Variants in NBAS observed in about 807,000 individuals in gnomAD.
The protein encoded by NBAS is NBAS subunit of NRZ tethering complex.
In NBAS, 219 loss-of-function variants were observed where a neutral mutation model predicts 302.5. That is an observed-to-expected ratio of 0.72 (90% CI 0.65 to 0.81). The LOEUF (loss-of-function observed/expected upper bound fraction) is 0.81. Among genes scored for constraint, NBAS ranks in the 30% least tolerant of loss-of-function variants. NBAS has a pLI of 0.00. For synonymous variants in NBAS, 1,118 were observed against 1,021.6 expected, an observed-to-expected ratio of 1.09 and a Z score of -1.80; for missense variants, 2,932 against 2,841.6, an observed-to-expected ratio of 1.03 and a Z score of -0.72.
intron 19 of NBAS, among the ~76,000 whole-genome samples, chr2:15,465,143 G>A (rs959296054): frequency 2.6e-5 from 4 of 152,190 alleles, no homozygotes; most frequent in Non-Finnish European, 5.9e-5. Flanking sequence ...CCTACCTACT[G>A]GTTCTTGCAA....
At chr2:14,851,103 G>A in the NBAS span, among the ~76,000 whole-genome samples, 1 of 129,012 alleles carries the variant, frequency 7.8e-6, no homozygotes, top group Non-Finnish European at 1.5e-5. Flanking sequence ...AGGAAATAGA[G>A]ACACAAAAAA....
At chr2:14,806,085 TG>T in the NBAS span, among the ~76,000 whole-genome samples, 2 of 152,184 alleles carry the variant, frequency 1.3e-5, no homozygotes, top group African/African-American at 4.8e-5. Context: ...CAGAATCTCC[TG>T]GGGAGCTTGT....
chr2:14,880,583 C>T, the NBAS span, among the ~76,000 whole-genome samples: 1 of 151,536 alleles, frequency 6.6e-6, no homozygotes, highest in South Asian at 2.1e-4. Flanking sequence ...AAAAGGAGGA[C>T]AGATTGTGCT....
chr2:15,120,586 T>C, the NBAS span, among the ~76,000 whole-genome samples: 1 of 152,044 alleles, frequency 6.6e-6, no homozygotes, highest in Non-Finnish European at 1.5e-5. Flanking sequence ...AAGTGAAGGA[T>C]TTAGGATTTG....
intron 32 of NBAS, among the ~76,000 whole-genome samples, chr2:15,361,342 A>G (rs943191469): frequency 6.6e-6 from 1 of 152,028 alleles, no homozygotes; most frequent in Non-Finnish European, 1.5e-5. Flanking sequence ...GTGAAATCCC[A>G]TCTCTACTAA....
At chr2:15,461,429 T>C in intron 20 of NBAS, 92 bp from the exon 21 acceptor site, 3 of 1,351,570 alleles carry the variant, frequency 2.2e-6, no homozygotes, top group South Asian at 1.2e-5. Flanking sequence ...AACTTTTTTA[T>C]GCAGCTCTGA....
At chr2:15,399,113 A>C (rs1399394447) in intron 26 of NBAS, among the ~76,000 whole-genome samples, 1 of 152,246 alleles carries the variant, frequency 6.6e-6, no homozygotes, top group East Asian at 1.9e-4. Flanking sequence ...AATAATTAAT[A>C]GATAAGCTCT....
the NBAS span, among the ~76,000 whole-genome samples, chr2:14,893,698 C>T: frequency 2.0e-5 from 3 of 152,152 alleles, no homozygotes; most frequent in South Asian, 2.1e-4. Context: ...CGTGGGAAAT[C>T]AGAGAACAGG....
chr2:15,555,490 C>G (rs1451202011), intron 3 of NBAS, among the ~76,000 whole-genome samples: 5 of 151,950 alleles, frequency 3.3e-5, no homozygotes, highest in Non-Finnish European at 7.4e-5. Flanking sequence ...CTAGCTGATA[C>G]AGGTTTATTA....
At chr2:15,153,965 G>C in the NBAS span, among the ~76,000 whole-genome samples, 1 of 152,214 alleles carries the variant, frequency 6.6e-6, no homozygotes, top group Admixed American at 6.5e-5. Flanking sequence ...CTTGAGGCTA[G>C]TAGCATTTTG....
chr2:14,903,359 A>C, the NBAS span, among the ~76,000 whole-genome samples: 1 of 151,098 alleles, frequency 6.6e-6, no homozygotes, highest in African/African-American at 2.4e-5. Flanking sequence ...ACATGTTGAA[A>C]ATAAAAACCA....
intron 51 of NBAS, among the ~76,000 whole-genome samples, chr2:15,176,737 A>G (rs1287230942): frequency 6.6e-6 from 1 of 152,194 alleles, no homozygotes; most frequent in Non-Finnish European, 1.5e-5. Context: ...GTTGGTGTTC[A>G]AAAGTGTTGA....
chr2:14,967,623 G>C, the NBAS span, among the ~76,000 whole-genome samples: 1 of 152,100 alleles, frequency 6.6e-6, no homozygotes. Context: ...AGAAAGGATA[G>C]GATTAAATCT....
At chr2:14,878,695 A>T in the NBAS span, among the ~76,000 whole-genome samples, 2 of 152,194 alleles carry the variant, frequency 1.3e-5, no homozygotes, top group African/African-American at 4.8e-5. Context: ...GCTTAAAAGT[A>T]ATGGCAGTTC....
the NBAS span, among the ~76,000 whole-genome samples, chr2:15,161,564 T>C: frequency 6.6e-6 from 1 of 152,148 alleles, no homozygotes; most frequent in South Asian, 2.1e-4. Flanking sequence ...TCACCCCTTT[T>C]CTAAGGGAGA....
chr2:14,805,491 T>C, the NBAS span, among the ~76,000 whole-genome samples: 1 of 152,176 alleles, frequency 6.6e-6, no homozygotes, highest in Non-Finnish European at 1.5e-5. Context: ...AGGTTAGTGA[T>C]ATGGCCTATC....
the NBAS span, among the ~76,000 whole-genome samples, chr2:14,844,848 A>G: frequency 1.3e-5 from 2 of 152,058 alleles, no homozygotes; most frequent in Non-Finnish European, 2.9e-5. Flanking sequence ...AGTGGGAAAG[A>G]CCCCATCTCA....
chr2:15,317,224 C>A (rs1406222242), intron 38 of NBAS, among the ~76,000 whole-genome samples: 1 of 152,164 alleles, frequency 6.6e-6, no homozygotes, highest in Admixed American at 6.5e-5. Flanking sequence ...AGGACATCCA[C>A]ACCAAAATCC....
the NBAS span, among the ~76,000 whole-genome samples, chr2:15,155,630 G>T: frequency 1.2e-4 from 19 of 152,084 alleles, no homozygotes; most frequent in African/African-American, 4.6e-4. Context: ...TCCTGCTGGG[G>T]CTCCAAAAAG....
Sources: allele counts gnomAD v4.1 joint callset (sites outside exome capture counted in the v4.1 genomes callset), GRCh38; gene constraint gnomAD v4.1.1; transcripts MANE v1.5; gene names NCBI Gene and HGNC (gene_info 2026-07-23, HGNC 2026-07-21).